Variants in MCHR1 observed in about 807,000 individuals in gnomAD.
The protein encoded by MCHR1 is melanin concentrating hormone receptor 1, also known as melanin-concentrating hormone receptor 1.
Under a neutral mutation model 20.4 loss-of-function variants are expected in MCHR1, and 13 were observed. The ratio of observed to expected loss-of-function variants is 0.64; its 90% CI spans 0.41 to 1.01. The LOEUF (loss-of-function observed/expected upper bound fraction) is 1.01, where lower values mean the gene tolerates loss of function less well. Ranked by LOEUF, MCHR1 falls within the 50% of genes least tolerant of loss-of-function variation. The pLI, the probability that MCHR1 is intolerant of heterozygous loss-of-function variation, is 0.00. For missense variants in MCHR1, 472 were observed against 477.0 expected (o/e 0.99, Z 0.10); for synonymous variants, 215 against 204.4 (o/e 1.05, Z -0.44).
In MCHR1 at chr22:40,681,037, G is replaced by A; in HGVS notation, c.171G>A (p.Gly57=). 6.2e-7 allele frequency: 1 copy of A among 1,614,056 alleles called. No individual in the cohort carries two copies. The highest frequency in any genetic ancestry group is 8.5e-7 in the Non-Finnish European group (1 of 1,180,020). Residue 57 remains glycine (G), a synonymous_variant, in exon 2 of 2, where the codon GGG becomes GGA. Transcript: ENST00000249016. This position sits in a 1 kb window ranked among gnomAD's most constrained non-coding sequence, Gnocchi z 4.3. ...CCATCTGCCTCCTGGGCATCATCGG[G>A]AACTCCACGGTCATCTTCGCGGTCG... The part of the protein sequence containing the change: ...FGTICLLGII[G]NSTVIFAVVK...
intron 1 of MCHR1, 21 bp from the exon 2 acceptor site, chr22:40,680,928 G>C: frequency 1.2e-6 from 2 of 1,613,114 alleles, no homozygotes; most frequent in Admixed American, 1.7e-5. Flanking sequence ...AACAGCCAAC[G>C]CTTGCTCCTT....
At position 40,681,903 on chromosome 22, in the gene MCHR1, A is replaced by G; in HGVS notation, c.1037A>G (p.Glu346Gly). 6 of 1,610,296 alleles carry G rather than the reference A, an allele frequency of 3.7e-6. No homozygotes were observed. Among genetic ancestry groups the G allele is most frequent in the Non-Finnish European group, 5.1e-6 (6 of 1,180,020 alleles). Residue 346 changes from glutamate (E) to glycine (G), a missense_variant, in exon 2 of 2, where the codon GAG (glutamate) becomes GGG (glycine). Transcript: ENST00000249016. The surrounding 1 kb of genome is among the most constrained non-coding windows in gnomAD (Gnocchi z 4.3). ...AVSNAQTADE[E>G]RTESKGT ...AGCAACGCTCAGACGGCTGACGAGG[A>G]GAGGACAGAAAGCAAAGGCACCTGA... is the stretch of plus-strand genomic sequence containing the variant.
rs148955770 is a variant in MCHR1 at position 40,679,637 on chromosome 22, G to A, written c.-16G>A. The A allele has an allele frequency of 2.5e-5, 40 of 1,614,050 alleles. No homozygotes were observed. The South Asian group carries it at 3.7e-4, about 15-fold the overall frequency. ...GCTCAGCTCGGTTGTGGGAGCAGGC[G>A]ACCGGCACTGGCTGGATGGACCTGG... is the stretch of plus-strand genomic sequence containing the variant. On this transcript the variant is annotated 5_prime_UTR_variant, in exon 1 of 2. Transcript: ENST00000249016.
At chr22:40,680,780 C>G (rs2056875030) in intron 1 of MCHR1, 169 bp from the exon 2 acceptor site, 2 of 984,858 alleles carry the variant, frequency 2.0e-6, no homozygotes, top group Non-Finnish European at 2.4e-6. Context: ...CCAGGAAACT[C>G]ATGGAGAAGG....
At chr22:40,680,107 A>G (rs770721410) in intron 1 of MCHR1, 12 of 361,070 alleles carry the variant, frequency 3.3e-5, no homozygotes, top group Non-Finnish European at 6.4e-5. Context: ...TGTTAGCCTC[A>G]GCTTTTTACT....
intron 1 of MCHR1, chr22:40,680,135 G>T (rs1201222655): frequency 6.3e-6 from 2 of 318,120 alleles, no homozygotes; most frequent in Non-Finnish European, 1.2e-5. Flanking sequence ...GGATGATGAG[G>T]TCTGAGACAT....
chr22:40,680,169 C>T lies in MCHR1; in HGVS notation c.82+435C>T, dbSNP rs2056871858. ...ATCCTTACTGCCACCTGGGAGAGGC[C>T]CTGGGAAGGGAAGACTTCACAGAGC... is the stretch of plus-strand genomic sequence containing the variant. On this transcript the variant is annotated intron_variant, in intron 1 of 1. Transcript: ENST00000249016. 3 of 276,832 alleles carry T rather than the reference C, an allele frequency of 1.1e-5. No homozygotes were observed. In the East Asian group the frequency reaches 2.7e-4, roughly 25 times the overall value. The allele number at this position is 276,832 out of a possible 1,614,324, so 17.1% of individuals were successfully genotyped here. A position where few individuals can be genotyped will look rare whatever the true frequency, so the allele number is the denominator to read the frequency against.
In MCHR1 at chr22:40,681,460, G is replaced by A; in HGVS notation, c.594G>A (p.Leu198=). The A allele has an allele frequency of 1.2e-6, 2 of 1,613,202 alleles. No homozygotes were observed. The highest frequency in any genetic ancestry group is 1.7e-6 in the Non-Finnish European group (2 of 1,180,026). ...GTGCAGTGGGCTGCGGCATACGCCT[G>A]CCCAACCCAGACACTGACCTCTACT... The part of the protein sequence containing the change: ...PGGAVGCGIR[L]PNPDTDLYWF... The change falls in exon 2 of 2, where the codon CTG becomes CTA. Residue 198 remains leucine, a synonymous_variant. Transcript: ENST00000249016. The surrounding 1 kb of genome is among the most constrained non-coding windows in gnomAD (Gnocchi z 4.3).
chr22:40,679,703 C>T lies in MCHR1; in HGVS notation c.51C>T (p.Thr17=), dbSNP rs1199749745. The change falls in exon 1 of 2, where the codon ACC becomes ACT. Residue 17 remains threonine, a synonymous_variant. Transcript: ENST00000249016. The stretch of plus-strand genomic sequence containing the variant: ...CCACTGGTCCCAACGCCAGCAACAC[C>T]TCTGATGGCCCCGATAACCTCACTT... The part of the protein sequence containing the change: ...LLPTGPNASN[T]SDGPDNLTSA... 6.2e-7 allele frequency: 1 copy of T among 1,614,122 alleles called. No homozygotes were observed. Among genetic ancestry groups the T allele is most frequent in the Admixed American group, 1.7e-5 (1 of 60,014 alleles).
At position 40,681,656 on chromosome 22, in the gene MCHR1, GTCT is replaced by G. The variant is rs778727108; in HGVS notation, c.795_797del (p.Phe266del). On this transcript the variant is annotated inframe_deletion, in exon 2 of 2. Transcript: ENST00000249016. This position sits in a 1 kb window ranked among gnomAD's most constrained non-coding sequence, Gnocchi z 4.3. ...CCGCACAGCCATCGCCATCTGTCTG[GTCT>G]TCTTTGTGTGCTGGGCACCCTACTA... The G allele has an allele frequency of 6.2e-7, 1 of 1,614,270 alleles. No individual in the cohort carries two copies. The highest frequency in any genetic ancestry group is 1.7e-5 in the Admixed American group (1 of 60,034).
Position 40,681,902 on chromosome 22 carries a change from G to A in MCHR1, c.1036G>A (p.Glu346Lys), listed in dbSNP as rs2056883775. 6.2e-7 allele frequency: 1 copy of A among 1,610,332 alleles called. No individual in the cohort carries two copies. The highest frequency in any genetic ancestry group is 1.3e-5 in the African/African-American group (1 of 74,940). ...AVSNAQTADEERTESKGT is the reference protein window; with the variant it reads ...AVSNAQTADEKRTESKGT ...CAGCAACGCTCAGACGGCTGACGAG[G>A]AGAGGACAGAAAGCAAAGGCACCTG... is the stretch of plus-strand genomic sequence containing the variant. The change falls in exon 2 of 2, where the codon GAG becomes AAG. Residue 346 changes from glutamate to lysine, a missense_variant. Transcript: ENST00000249016. The surrounding 1 kb of genome is among the most constrained non-coding windows in gnomAD (Gnocchi z 4.3).
intron 1 of MCHR1, chr22:40,680,365 A>C (rs534523342): frequency 5.3e-6 from 1 of 188,976 alleles, no homozygotes; most frequent in East Asian, 1.2e-4. Context: ...TCTCTGCTTC[A>C]CTCAAGAAGC....
In MCHR1 at chr22:40,681,808, CTG is replaced by C; in HGVS notation, c.945_946del (p.Cys315Ter). 4 of 1,614,264 alleles carry C rather than the reference CTG, an allele frequency of 2.5e-6. No homozygotes were observed. The highest frequency in any genetic ancestry group is 3.4e-6 in the Non-Finnish European group (4 of 1,180,058). On this transcript the variant is annotated frameshift_variant, in exon 2 of 2. Transcript: ENST00000249016. LOFTEE classifies it high-confidence loss of function. This position sits in a 1 kb window ranked among gnomAD's most constrained non-coding sequence, Gnocchi z 4.3. ...CLNPFVYIVLCETFRKRLVLS... is the reference protein window; with the variant it reads ...CLNPFVYIVLXETFRKRLVLS... ...TCAACCCCTTTGTGTACATCGTGCT[CTG>C]TGAGACGTTCCGCAAACGCTTGGTC... is the stretch of plus-strand genomic sequence containing the variant.
In MCHR1 at chr22:40,681,031, C is replaced by T. The variant is rs770829840; in HGVS notation, c.165C>T (p.Ile55=). 3.1e-6 allele frequency: 5 copies of T among 1,614,166 alleles called. No individual in the cohort carries two copies. The South Asian group carries it at 5.5e-5, about 18-fold the overall frequency. The change falls in exon 2 of 2, where the codon ATC becomes ATT. Residue 55 remains isoleucine, a synonymous_variant. Coordinates refer to ENST00000249016, the MANE Select transcript of MCHR1 (RefSeq NM_005297.4). The surrounding 1 kb of genome is among the most constrained non-coding windows in gnomAD (Gnocchi z 4.3). ...SVFGTICLLG[I]IGNSTVIFAV... The stretch of plus-strand genomic sequence containing the variant: ...TCGGCACCATCTGCCTCCTGGGCAT[C>T]ATCGGGAACTCCACGGTCATCTTCG...
rs1377714524 is a variant in MCHR1 at position 40,681,134 on chromosome 22, C to T, written c.268C>T (p.Leu90Phe). The T allele has an allele frequency of 6.2e-7, 1 of 1,613,836 alleles. No homozygotes were observed. The highest frequency in any genetic ancestry group is 2.2e-5 in the East Asian group (1 of 44,858). The change falls in exon 2 of 2, where the codon CTC becomes TTC. Residue 90 changes from leucine to phenylalanine, a missense_variant. Leu to Phe is a conservative substitution (Grantham distance 22, BLOSUM62 0). Transcript: ENST00000249016. The surrounding 1 kb of genome is among the most constrained non-coding windows in gnomAD (Gnocchi z 4.3). Reference protein sequence around the residue: ...IFIINLSVVDLLFLLGMPFMI... With the variant: ...IFIINLSVVDFLFLLGMPFMI... ...CATCATCAACCTCTCGGTAGTAGATCTCCTCTTTCTCCTGGGCATGCCCTT... is the reference window on the plus strand; with the variant it reads ...CATCATCAACCTCTCGGTAGTAGATTTCCTCTTTCTCCTGGGCATGCCCTT...
In MCHR1 at chr22:40,681,602, A is replaced by C. The variant is rs1025121820; in HGVS notation, c.736A>C (p.Ser246Arg). 1.9e-6 allele frequency: 3 copies of C among 1,614,012 alleles called. No homozygotes were observed. The African/African-American group carries it at 4.0e-5, about 22-fold the overall frequency. Residue 246 changes from serine (S) to arginine (R), a missense_variant, in exon 2 of 2, where the codon AGC becomes CGC. Transcript: ENST00000249016. The surrounding 1 kb of genome is among the most constrained non-coding windows in gnomAD (Gnocchi z 4.3). ...CTCAGTGGCCCCCGCCTCCCAGCGCAGCATCCGGCTGCGGACAAAGAGGGT... is the reference window on the plus strand; with the variant it reads ...CTCAGTGGCCCCCGCCTCCCAGCGCCGCATCCGGCTGCGGACAAAGAGGGT... Reference protein sequence around the residue: ...TSSVAPASQRSIRLRTKRVTR... With the variant: ...TSSVAPASQRRIRLRTKRVTR...
In MCHR1 at chr22:40,681,808, C is replaced by T. The variant is rs199767344; in HGVS notation, c.942C>T (p.Leu314=). 1.9e-6 allele frequency: 3 copies of T among 1,614,264 alleles called. No homozygotes were observed. The highest frequency in any genetic ancestry group is 1.6e-4 in the Middle Eastern group (1 of 6,062). The change falls in exon 2 of 2, where the codon CTC becomes CTT. Residue 314 remains leucine (L), a synonymous_variant. Transcript: ENST00000249016. The surrounding 1 kb of genome is among the most constrained non-coding windows in gnomAD (Gnocchi z 4.3). ...SCLNPFVYIV[L]CETFRKRLVL... is the part of the protein sequence containing the mutation. ...TCAACCCCTTTGTGTACATCGTGCT[C>T]TGTGAGACGTTCCGCAAACGCTTGG...
At chr22:40,680,812 C>A in intron 1 of MCHR1, 137 bp from the exon 2 acceptor site, 1 of 1,580,356 alleles carries the variant, frequency 6.3e-7, no homozygotes, top group Non-Finnish European at 8.6e-7. Context: ...AGATTAGCAA[C>A]AGTGAAGGGA....
intron 1 of MCHR1, chr22:40,680,083 G>A: frequency 2.5e-6 from 1 of 403,946 alleles, no homozygotes; most frequent in South Asian, 2.1e-5. Flanking sequence ...ACAGCTGGGG[G>A]CTCACTCCTG....
Sources: allele counts gnomAD v4.1 joint callset, GRCh38; gene constraint gnomAD v4.1.1; non-coding constraint Gnocchi (gnomAD v3.1); transcripts MANE v1.5; gene names NCBI Gene and HGNC (gene_info 2026-07-23, HGNC 2026-07-21).